EML6: variants seen among roughly 807,000 people sequenced by gnomAD.
The protein encoded by EML6 is EMAP like 6.
EML6 carries 154 observed loss-of-function variants against 240.1 expected under a neutral mutation model. The observed-to-expected ratio is 0.64, with a 90% CI of 0.56 to 0.73. The LOEUF (loss-of-function observed/expected upper bound fraction) is 0.73, where lower values mean the gene tolerates loss of function less well. EML6 is among the 30% of genes least tolerant of loss of function. The probability of loss-of-function intolerance (pLI) is 0.00; values close to 1 mark genes in which losing one functional copy is unlikely to be tolerated. For synonymous variants in EML6, 1,148 were observed against 899.0 expected, an observed-to-expected ratio of 1.28 and a Z score of -4.95; for missense variants, 2,964 against 2,474.6, an observed-to-expected ratio of 1.20 and a Z score of -4.20.
At chr2:54,903,590 G>T in intron 24 of EML6, 88 bp downstream of exon 24, 9 of 1,028,358 alleles carry the variant, frequency 8.8e-6, no homozygotes, top group African/African-American at 1.7e-5. Context: ...TGGCAGTTGA[G>T]TGTTAGAAAT....
At chr2:54,933,153 T>A (rs1005769446) in intron 28 of EML6, among the ~76,000 whole-genome samples, 1 of 152,224 alleles carries the variant, frequency 6.6e-6, no homozygotes, top group African/African-American at 2.4e-5. Context: ...AGGAAAGAAC[T>A]GCCTCTGATT....
intron 28 of EML6, among the ~76,000 whole-genome samples, chr2:54,940,689 T>C (rs919597139): frequency 5.3e-5 from 8 of 152,240 alleles, no homozygotes; most frequent in Non-Finnish European, 1.2e-4. Context: ...CGACCACTTT[T>C]ACCTTCACTT....
intron 2 of EML6, among the ~76,000 whole-genome samples, chr2:54,785,757 A>G (rs1669054495): frequency 6.6e-6 from 1 of 151,600 alleles, no homozygotes; most frequent in Non-Finnish European, 1.5e-5. Flanking sequence ...TGCATTCATG[A>G]CATATCTCTT....
At chr2:54,922,738 C>G (rs1049741867) in intron 26 of EML6, among the ~76,000 whole-genome samples, 1 of 152,050 alleles carries the variant, frequency 6.6e-6, no homozygotes, top group Non-Finnish European at 1.5e-5. Context: ...GAAATCCTGT[C>G]ATTTGCAATA....
At chr2:54,925,522 A>G (rs13390851) in intron 26 of EML6, among the ~76,000 whole-genome samples, 1 of 152,242 alleles carries the variant, frequency 6.6e-6, no homozygotes, top group African/African-American at 2.4e-5. Flanking sequence ...TCACGTCACT[A>G]TCTTGGCTCT....
chr2:54,901,115 T>A (rs530621420), intron 22 of EML6, among the ~76,000 whole-genome samples: 1 of 152,314 alleles, frequency 6.6e-6, no homozygotes, highest in South Asian at 2.1e-4. Context: ...TTCCATGTAG[T>A]CTTTGTAGGA....
At position 54,959,220 on chromosome 2, in the gene EML6, C is replaced by T. The variant is rs887617703; in HGVS notation, c.4812C>T (p.Thr1604=). ...GCCCCGTGTTCACAATGTACACAACCCTTCGGGATGGACTCATAGTGACCG... is the reference window on the plus strand; with the variant it reads ...GCCCCGTGTTCACAATGTACACAACTCTTCGGGATGGACTCATAGTGACCG... ...HTGPVFTMYT[T]LRDGLIVTGG... is the part of the protein sequence containing the mutation. The change falls in exon 34 of 42, where the codon ACC becomes ACT. Residue 1604 remains threonine (T), a synonymous_variant. Coordinates refer to ENST00000356458, the MANE Select transcript of EML6 (RefSeq NM_001039753.4). The T allele has an allele frequency of 6.4e-7, 1 of 1,550,936 alleles. No homozygotes were observed. The highest frequency in any genetic ancestry group is 1.4e-5 in the African/African-American group (1 of 73,020).
intron 26 of EML6, among the ~76,000 whole-genome samples, chr2:54,922,933 CTTTTTTTTTT>C (rs36078208): frequency 6.8e-5 from 5 of 73,852 alleles, no homozygotes; most frequent in Non-Finnish European, 1.2e-4. Flanking sequence ...AGGGTATAAA[CTTTTTTTTTT>C]TTTTTTTTTT....
intron 24 of EML6, among the ~76,000 whole-genome samples, chr2:54,906,413 G>C (rs1460988526): frequency 2.0e-5 from 3 of 152,164 alleles, no homozygotes; most frequent in Non-Finnish European, 4.4e-5. Flanking sequence ...GGGAAGGTCT[G>C]TGTAAAGTCC....
intron 17 of EML6, among the ~76,000 whole-genome samples, chr2:54,890,755 G>C (rs1299598723): frequency 1.3e-5 from 2 of 152,228 alleles, no homozygotes; most frequent in Middle Eastern, 3.4e-3. Context: ...CCCCACAGTG[G>C]TGGCATTAAT....
chr2:54,859,572 G>T lies in EML6; in HGVS notation c.1696G>T (p.Val566Phe), dbSNP rs1467776683. The change falls in exon 12 of 42, where the codon GTC becomes TTC. Residue 566 changes from valine (V) to phenylalanine (F), a missense_variant. Physicochemically the swap from Val to Phe is conservative, Grantham distance 50. Transcript: ENST00000356458. ...FRKYVGHSAH[V>F]TNVRWSHDFQ... ...AAAGTATGTGGGCCATTCTGCACAT[G>T]TCACAAATGTCCGCTGGTCCCATGA... 6.4e-7 allele frequency: 1 copy of T among 1,551,310 alleles called. No homozygotes were observed. Among genetic ancestry groups the T allele is most frequent in the Non-Finnish European group, 8.7e-7 (1 of 1,146,856 alleles).
intron 28 of EML6, among the ~76,000 whole-genome samples, chr2:54,929,699 C>A (rs950554376): frequency 1.5e-5 from 1 of 68,412 alleles, no homozygotes; most frequent in South Asian, 4.1e-4. Context: ...GTAACCTCCT[C>A]CTCCTCCTCC....
chr2:54,896,857 G>T (rs1005753682), intron 21 of EML6, among the ~76,000 whole-genome samples: 2 of 152,112 alleles, frequency 1.3e-5, no homozygotes, highest in East Asian at 1.9e-4. Flanking sequence ...TCCCACCCTG[G>T]ATATCCTGAA....
At chr2:54,816,513 G>A (rs1021074404) in intron 3 of EML6, among the ~76,000 whole-genome samples, 42 of 152,006 alleles carry the variant, frequency 2.8e-4, no homozygotes, top group African/African-American at 7.0e-4. Context: ...TTCTATTGAC[G>A]TTTCAGAGAT....
chr2:54,817,236 T>G (rs1053441666), intron 4 of EML6, among the ~76,000 whole-genome samples: 2 of 152,240 alleles, frequency 1.3e-5, no homozygotes, highest in Non-Finnish European at 2.9e-5. Flanking sequence ...AAAATATGAT[T>G]ACAAGGGTAT....
intron 2 of EML6, among the ~76,000 whole-genome samples, chr2:54,742,586 G>A (rs573690505): frequency 7.9e-5 from 12 of 152,228 alleles, no homozygotes; most frequent in Admixed American, 6.5e-5. Context: ...AGTTATGCAG[G>A]CGACTGGCCC....
chr2:54,930,158 A>G (rs1444269286), intron 28 of EML6, among the ~76,000 whole-genome samples: 2 of 152,134 alleles, frequency 1.3e-5, no homozygotes, highest in Non-Finnish European at 1.5e-5. Context: ...ATGAGTTGAC[A>G]TGGCCATTAT....
chr2:54,734,161 A>T (rs1259268548), intron 2 of EML6, among the ~76,000 whole-genome samples: 1 of 152,128 alleles, frequency 6.6e-6, no homozygotes, highest in Non-Finnish European at 1.5e-5. Flanking sequence ...CAACATGGTG[A>T]AACCCCATCT....
At chr2:54,856,581 C>T (rs961917131) in intron 11 of EML6, among the ~76,000 whole-genome samples, 2 of 152,156 alleles carry the variant, frequency 1.3e-5, no homozygotes, top group African/African-American at 4.8e-5. Flanking sequence ...CTTGGAGGGG[C>T]TGGTGCTGGC....
Sources: allele counts gnomAD v4.1 joint callset (sites outside exome capture counted in the v4.1 genomes callset), GRCh38; gene constraint gnomAD v4.1.1; transcripts MANE v1.5; gene names NCBI Gene and HGNC (gene_info 2026-07-23, HGNC 2026-07-21).